Variants in KCNQ5 observed in about 807,000 individuals in gnomAD.
KCNQ5 encodes the protein potassium voltage-gated channel subfamily KQT member 5.
KCNQ5 carries 30 observed loss-of-function variants against 98.2 expected under a neutral mutation model. The ratio of observed to expected loss-of-function variants is 0.31; its 90% CI spans 0.23 to 0.41. The LOEUF is 0.41. Ranked by LOEUF, KCNQ5 falls within the 10% of genes least tolerant of loss-of-function variation. The pLI is 1.00. For missense variants in KCNQ5, 835 were observed against 1,182.5 expected (o/e 0.71, Z 4.31); for synonymous variants, 458 against 449.4 (o/e 1.02, Z -0.24).
At chr6:72,879,238 G>C (rs1332415092) in intron 1 of KCNQ5, among the ~76,000 whole-genome samples, 5 of 151,980 alleles carry the variant, frequency 3.3e-5, no homozygotes, top group Non-Finnish European at 7.4e-5. Flanking sequence ...CTCCAAGAGT[G>C]GTGAGAGATA....
chr6:73,029,655 C>T (rs977122012), intron 2 of KCNQ5, among the ~76,000 whole-genome samples: 2 of 151,558 alleles, frequency 1.3e-5, no homozygotes, highest in African/African-American at 2.4e-5. Flanking sequence ...TTGATTTGGC[C>T]GGGCGCGGTG....
intron 1 of KCNQ5, among the ~76,000 whole-genome samples, chr6:72,690,717 A>G (rs1209904739): frequency 1.4e-5 from 2 of 147,988 alleles, no homozygotes; most frequent in African/African-American, 4.9e-5. Context: ...GTTACCAAGA[A>G]AAAAAAAAAA....
intron 10 of KCNQ5, among the ~76,000 whole-genome samples, chr6:73,158,330 C>T (rs1307119327): frequency 2.7e-5 from 4 of 149,478 alleles, no homozygotes; most frequent in Non-Finnish European, 4.4e-5. Context: ...TGCAATGGCG[C>T]GATCTCGGCT....
intron 1 of KCNQ5, among the ~76,000 whole-genome samples, chr6:72,764,444 T>G (rs1772458132): frequency 6.6e-6 from 1 of 151,986 alleles, no homozygotes; most frequent in South Asian, 2.1e-4. Context: ...GCACAATCCC[T>G]GATCCCTTTT....
intron 1 of KCNQ5, among the ~76,000 whole-genome samples, chr6:72,961,827 CT>C (rs1767372214): frequency 7.2e-5 from 11 of 151,888 alleles, no homozygotes; most frequent in Admixed American, 7.2e-4. Flanking sequence ...GAGATTATAT[CT>C]GTAAGTGAAG....
intron 1 of KCNQ5, among the ~76,000 whole-genome samples, chr6:72,940,941 T>C (rs886151003): frequency 6.6e-6 from 1 of 152,100 alleles, no homozygotes; most frequent in African/African-American, 2.4e-5. Flanking sequence ...GGGAAAAAAA[T>C]TTAAATTAAA....
intron 1 of KCNQ5, among the ~76,000 whole-genome samples, chr6:72,936,269 T>G (rs1765912366): frequency 6.6e-6 from 1 of 152,244 alleles, no homozygotes; most frequent in Non-Finnish European, 1.5e-5. Context: ...TCATTTTTGT[T>G]TTCTTCATGT....
intron 1 of KCNQ5, among the ~76,000 whole-genome samples, chr6:72,708,627 C>T (rs778363466): frequency 1.3e-5 from 2 of 152,094 alleles, no homozygotes; most frequent in Non-Finnish European, 2.9e-5. Context: ...GCTCAAGCAA[C>T]CCTCCCACCT....
chr6:72,700,003 G>A (rs1330627773), intron 1 of KCNQ5, among the ~76,000 whole-genome samples: 6 of 152,056 alleles, frequency 3.9e-5, no homozygotes, highest in Non-Finnish European at 8.8e-5. Flanking sequence ...CATTTCAAAG[G>A]CTTGTTTGAG....
At chr6:72,797,309 G>A (rs1397239749) in intron 1 of KCNQ5, among the ~76,000 whole-genome samples, 1 of 152,076 alleles carries the variant, frequency 6.6e-6, no homozygotes, top group Non-Finnish European at 1.5e-5. Flanking sequence ...CTTGAGCCCA[G>A]CCTGGGAACA....
intron 1 of KCNQ5, among the ~76,000 whole-genome samples, chr6:72,837,633 C>A (rs928334466): frequency 6.6e-6 from 1 of 152,158 alleles, no homozygotes; most frequent in Non-Finnish European, 1.5e-5. Flanking sequence ...GAAGGACTTT[C>A]TTCTCAGTAA....
chr6:72,682,053 A>C (rs1373388001), intron 1 of KCNQ5, among the ~76,000 whole-genome samples: 1 of 152,200 alleles, frequency 6.6e-6, no homozygotes, highest in Non-Finnish European at 1.5e-5. Context: ...TATGTGGAGA[A>C]AAGAGCCTCA....
chr6:73,189,612 T>C (rs1385154035), intron 11 of KCNQ5, among the ~76,000 whole-genome samples: 1 of 148,848 alleles, frequency 6.7e-6, no homozygotes, highest in East Asian at 1.9e-4. Flanking sequence ...ATGGGCCATT[T>C]AGTAGCTGAA....
intron 6 of KCNQ5, among the ~76,000 whole-genome samples, chr6:73,108,959 AT>A (rs1174725107): frequency 6.6e-6 from 1 of 152,216 alleles, no homozygotes; most frequent in Non-Finnish European, 1.5e-5. Flanking sequence ...TGGTGTCAGT[AT>A]TTGAAGGGAT....
At chr6:72,639,601 C>T (rs1161298342) in intron 1 of KCNQ5, among the ~76,000 whole-genome samples, 1 of 152,056 alleles carries the variant, frequency 6.6e-6, no homozygotes, top group African/African-American at 2.4e-5. Context: ...ATTTAGAGAG[C>T]CTCGAATGAA....
chr6:72,832,557 G>A (rs1776327344), intron 1 of KCNQ5, among the ~76,000 whole-genome samples: 1 of 152,136 alleles, frequency 6.6e-6, no homozygotes, highest in Non-Finnish European at 1.5e-5. Flanking sequence ...ACTGCTCTGT[G>A]TTTGCCAAAA....
At chr6:72,909,771 GGGAGA>G (rs1375293962) in intron 1 of KCNQ5, among the ~76,000 whole-genome samples, 115 of 152,240 alleles carry the variant, frequency 7.6e-4, no homozygotes, top group African/African-American at 2.7e-3. Flanking sequence ...AGGAATATCT[GGGAGA>G]TTTCTAAATT....
intron 1 of KCNQ5, among the ~76,000 whole-genome samples, chr6:72,714,285 T>C (rs1416751392): frequency 6.6e-6 from 1 of 152,224 alleles, no homozygotes; most frequent in Non-Finnish European, 1.5e-5. Flanking sequence ...TTCCATACTT[T>C]ATGCTCTCTA....
intron 2 of KCNQ5, among the ~76,000 whole-genome samples, chr6:73,033,458 G>A (rs1771239320): frequency 6.6e-6 from 1 of 152,116 alleles, no homozygotes; most frequent in Non-Finnish European, 1.5e-5. Flanking sequence ...AAACTTGAAT[G>A]GATAAATCAT....
Sources: allele counts gnomAD v4.1 joint callset (sites outside exome capture counted in the v4.1 genomes callset), GRCh38; gene constraint gnomAD v4.1.1; transcripts MANE v1.5; gene names NCBI Gene and HGNC (gene_info 2026-07-23, HGNC 2026-07-21).